The following ZNF623 variants were observed in gnomAD, a reference collection of about 807,000 sequenced individuals.
ZNF623 encodes the protein zinc finger protein 623.
In ZNF623, 16 loss-of-function variants were observed where a neutral mutation model predicts 24.0. That is an observed-to-expected ratio of 0.67 (90% confidence interval 0.45 to 1.01). ZNF623 has a LOEUF of 1.01. Among genes scored for constraint, ZNF623 ranks in the 50% least tolerant of loss-of-function variants. The pLI is 0.00. For synonymous variants in ZNF623, 224 were observed against 219.8 expected (o/e 1.02, Z -0.17); for missense variants, 566 against 606.5 (o/e 0.93, Z 0.70).
rs544850718 is a variant in ZNF623, at chr8:143,642,442, G to C, written c.-96+6297G>C. ...AGCAATAAGGCTGTCTTGCTATCCT[G>C]TCATTTGTGTGTTCACTGGAGCAGC... On this transcript the variant is annotated intron_variant, in intron 1 of 1. Transcript: ENST00000526926. Among the ~76,000 whole-genome samples, 245 of 152,258 alleles carry C rather than the reference G, an allele frequency of 1.6e-3. 1 individual carries two copies. Among genetic ancestry groups the C allele is most frequent in the African/African-American group, 5.7e-3 (236 of 41,536 alleles).
Position 143,650,004 on chromosome 8 carries a change from C to T in ZNF623, c.12C>T (p.Pro4=), listed in dbSNP as rs2131456474. Residue 4 remains proline, a synonymous_variant, in exon 2 of 2, where the codon CCC becomes CCT. Coordinates refer to ENST00000526926, the MANE Select transcript of ZNF623 (RefSeq NM_001261843.2). The surrounding 1 kb of genome is among the most constrained non-coding windows in gnomAD (Gnocchi z 5.2). ...ACAGACTCACGGTGATGGAGCTCCC[C>T]TCTCCCGAGTCTGAGGAAGTCCACG... MEL[P]SPESEEVHEP... 6.2e-7 allele frequency: 1 copy of T among 1,614,198 alleles called. No individual in the cohort carries two copies.
At chr8:143,641,910 G>A (rs908352777) in intron 1 of ZNF623, among the ~76,000 whole-genome samples, 10 of 152,200 alleles carry the variant, frequency 6.6e-5, no homozygotes, top group African/African-American at 7.2e-5. Context: ...AGTGGATTTA[G>A]CATCATTCTT....
At chr8:143,644,509 G>A (rs1174838824) in intron 1 of ZNF623, among the ~76,000 whole-genome samples, 2 of 152,108 alleles carry the variant, frequency 1.3e-5, no homozygotes, top group African/African-American at 4.8e-5. Flanking sequence ...CCAAAGAGAA[G>A]GTTCTTGAGG....
In ZNF623 at chr8:143,653,515, G is replaced by A. The variant is rs750511925; in HGVS notation, c.*2032G>A. On this transcript the variant is annotated 3_prime_UTR_variant, in exon 2 of 2. Transcript: ENST00000526926. ...CACCTGTGTAACCACCACCACCTGT[G>A]TAACCACCACCGCCAGAACCAAAAA... 11 of 167,044 alleles carry A rather than the reference G, an allele frequency of 6.6e-5. No individual in the cohort carries two copies. Among genetic ancestry groups the A allele is most frequent in the Admixed American group, 4.6e-4 (7 of 15,266 alleles). The allele number at this position is 167,044 out of a possible 1,614,324, so 10.3% of individuals were successfully genotyped here.
In ZNF623 at chr8:143,650,335, C is replaced by T. The variant is rs200418048; in HGVS notation, c.343C>T (p.Gln115Ter). Residue 115 changes from glutamine (Q) to a stop codon, truncating the protein, a stop_gained, in exon 2 of 2, where the codon CAG (glutamine) becomes TAG (stop). Transcript: ENST00000526926. LOFTEE classifies it low-confidence loss of function (END_TRUNC). This position sits in a 1 kb window ranked among gnomAD's most constrained non-coding sequence, Gnocchi z 5.2. ...HAGEKPYTCD[Q>*]CGKGFGQSSH... ...TGGGGAGAAACCTTACACGTGCGATCAGTGTGGGAAAGGCTTTGGCCAGAG... is the reference window on the plus strand; with the variant it reads ...TGGGGAGAAACCTTACACGTGCGATTAGTGTGGGAAAGGCTTTGGCCAGAG... 4.5e-5 allele frequency: 72 copies of T among 1,614,240 alleles called. No homozygotes were observed. Among genetic ancestry groups the T allele is most frequent in the Non-Finnish European group, 5.7e-5 (67 of 1,180,044 alleles).
Position 143,651,801 on chromosome 8 carries a change from C to A in ZNF623, c.*318C>A. 9.6e-6 allele frequency: 3 copies of A among 314,054 alleles called. No homozygotes were observed. Among genetic ancestry groups the A allele is most frequent in the Non-Finnish European group, 1.9e-5 (3 of 162,066 alleles). 19.5% of individuals were successfully genotyped at this position (314,054 alleles called of 1,614,324 possible). A position where few individuals can be genotyped will look rare whatever the true frequency, so the allele number is the denominator to read the frequency against. On this transcript the variant is annotated 3_prime_UTR_variant, in exon 2 of 2. Coordinates refer to ENST00000526926, the MANE Select transcript of ZNF623 (RefSeq NM_001261843.2). ...AGCAGAGTCCATCCTTGACTTAAAT[C>A]CCTTATTACAGCACAACTGTGTATC... is the stretch of plus-strand genomic sequence containing the variant.
rs761062554 is a variant in ZNF623, at chr8:143,650,109, G to A, written c.117G>A (p.Lys39=). ...CCCCCTCTCAGGACAGGGGCTGCAA[G>A]CAGGTGACAGTGACCCATTGGAAGA... ...GSSPSQDRGC[K]QVTVTHWKIQ... is the part of the protein sequence containing the mutation. The change falls in exon 2 of 2, where the codon AAG becomes AAA. Residue 39 remains lysine, a synonymous_variant. Transcript: ENST00000526926. This position sits in a 1 kb window ranked among gnomAD's most constrained non-coding sequence, Gnocchi z 5.2. 6.2e-7 allele frequency: 1 copy of A among 1,614,176 alleles called. No individual in the cohort carries two copies. Among genetic ancestry groups the A allele is most frequent in the Non-Finnish European group, 8.5e-7 (1 of 1,180,042 alleles).
intron 1 of ZNF623, among the ~76,000 whole-genome samples, chr8:143,641,455 T>TTTTG (rs1815053549): frequency 7.6e-6 from 1 of 131,452 alleles, no homozygotes; most frequent in African/African-American, 3.1e-5. Context: ...TTTTTTTTTT[T>TTTTG]TTTTTTTTTT....
At chr8:143,642,963 G>A (rs1815091308) in intron 1 of ZNF623, among the ~76,000 whole-genome samples, 1 of 152,204 alleles carries the variant, frequency 6.6e-6, no homozygotes, top group Non-Finnish European at 1.5e-5. Flanking sequence ...GAAGAGACTT[G>A]CAGATGTCGG....
chr8:143,643,095 G>A (rs962105174), intron 1 of ZNF623, among the ~76,000 whole-genome samples: 2 of 152,314 alleles, frequency 1.3e-5, no homozygotes, highest in East Asian at 1.9e-4. Flanking sequence ...GATTAGATGC[G>A]TGAGAAAAAT....
chr8:143,638,650 A>C (rs533209394), intron 1 of ZNF623, among the ~76,000 whole-genome samples: 45 of 151,420 alleles, frequency 3.0e-4, no homozygotes, highest in Non-Finnish European at 5.7e-4. Context: ...AGGCAGGAGA[A>C]TCGCTTGAAC....
At chr8:143,636,608 C>T (rs1256781938) in intron 1 of ZNF623, among the ~76,000 whole-genome samples, 1 of 152,064 alleles carries the variant, frequency 6.6e-6, no homozygotes, top group Non-Finnish European at 1.5e-5. Flanking sequence ...CCTCCGCTCC[C>T]TGGGGCCTCG....
intron 1 of ZNF623, among the ~76,000 whole-genome samples, chr8:143,647,306 G>A (rs1435174390): frequency 2.0e-5 from 3 of 152,282 alleles, no homozygotes; most frequent in East Asian, 1.9e-4. Context: ...GACTACAGGC[G>A]CCTGCCGCCA....
rs1380399224 is a variant in ZNF623 at position 143,640,965 on chromosome 8, AAAAGC to A, written c.-96+4822_-96+4826del. Among the ~76,000 whole-genome samples the A allele has an allele frequency of 2.1e-3, 307 of 149,386 alleles. 2 individuals carry two copies. The highest frequency in any genetic ancestry group is 6.3e-3 in the African/African-American group (249 of 39,736). On this transcript the variant is annotated intron_variant, in intron 1 of 1. Transcript: ENST00000526926. ...TTAAAAAAAAAAAAAAAAAAAAAAA[AAAAGC>A]AGCAGCACCTCATCCATTCAAGTTT...
intron 1 of ZNF623, among the ~76,000 whole-genome samples, chr8:143,644,606 A>G (rs1815129038): frequency 6.6e-6 from 1 of 152,004 alleles, no homozygotes; most frequent in East Asian, 1.9e-4. Flanking sequence ...AAGCAAATAC[A>G]TGGCTGGGTG....
chr8:143,649,318 T>C (rs1479749057), intron 1 of ZNF623, among the ~76,000 whole-genome samples: 5 of 145,190 alleles, frequency 3.4e-5, no homozygotes, highest in African/African-American at 1.0e-4. Flanking sequence ...ACAGCAAGAG[T>C]GCAGGCACAA....
chr8:143,652,694 C>G lies in ZNF623; in HGVS notation c.*1211C>G, dbSNP rs960214616. 2 of 167,084 alleles carry G rather than the reference C, an allele frequency of 1.2e-5. No homozygotes were observed. The highest frequency in any genetic ancestry group is 4.8e-5 in the African/African-American group (2 of 41,436). 10.4% of individuals were successfully genotyped at this position (167,084 alleles called of 1,614,324 possible). ...GAGGAGGCAGGTCTCAAGAGAAGGT[C>G]TTTACTTACTTGTCTGTATCTTTCT... On this transcript the variant is annotated 3_prime_UTR_variant, in exon 2 of 2. Transcript: ENST00000526926.
At chr8:143,648,163 G>A (rs1267582469) in intron 1 of ZNF623, among the ~76,000 whole-genome samples, 1 of 152,198 alleles carries the variant, frequency 6.6e-6, no homozygotes, top group African/African-American at 2.4e-5. Context: ...GTCTGATAAT[G>A]AGTGCACTCC....
chr8:143,648,821 T>C (rs1297827369), intron 1 of ZNF623, among the ~76,000 whole-genome samples: 1 of 151,922 alleles, frequency 6.6e-6, no homozygotes, highest in Non-Finnish European at 1.5e-5. Flanking sequence ...ATTTCTTCTG[T>C]TTTCTCATTG....
Sources: gnomAD v4.1 joint callset for allele counts (sites outside exome capture counted in the v4.1 genomes callset) on GRCh38, gnomAD v4.1.1 for gene constraint, Gnocchi (gnomAD v3.1) non-coding constraint, MANE v1.5 for transcripts, NCBI Gene and HGNC (gene_info 2026-07-23, HGNC 2026-07-21) for gene names.